Variants in AKR1E2 observed in about 807,000 individuals in gnomAD.
AKR1E2 encodes the protein aldo-keto reductase family 1 member E2, also known as 1,5-anhydro-D-fructose reductase.
In AKR1E2, 43 loss-of-function variants were observed where a neutral mutation model predicts 41.9. That is an observed-to-expected ratio of 1.03 (90% CI 0.80 to 1.32). The LOEUF (loss-of-function observed/expected upper bound fraction) is 1.32. Among genes scored for constraint, AKR1E2 ranks in the 40% most tolerant of loss-of-function variants. AKR1E2 has a pLI of 0.00. For synonymous variants in AKR1E2, 121 were observed against 138.9 expected, an observed-to-expected ratio of 0.87 and a Z score of 0.91; for missense variants, 423 against 396.5, an observed-to-expected ratio of 1.07 and a Z score of -0.57.
chr10:4,833,249 G>T lies in AKR1E2; in HGVS notation c.208-101G>T, dbSNP rs187787168. On this transcript the variant is annotated intron_variant, in intron 2 of 9. Transcript: ENST00000298375. ...GTTGTATTTGTGGTCATCTCATCTT[G>T]GCTATTTTGGGTTCAAGACAGTAGC... is the stretch of plus-strand genomic sequence containing the variant. 1,659 of 855,072 alleles carry T rather than the reference G, an allele frequency of 1.9e-3. 8 individuals are homozygous for T. The highest frequency in any genetic ancestry group is 8.3e-3 in the South Asian group (570 of 68,514). The allele number at this position is 855,072 out of a possible 1,614,324, so 53.0% of individuals were successfully genotyped here. A position where few individuals can be genotyped will look rare whatever the true frequency, so the allele number is the denominator to read the frequency against.
chr10:4,842,564 T>A, intron 8 of AKR1E2, 60 bp downstream of exon 8: 1 of 1,497,672 alleles, frequency 6.7e-7, no homozygotes, highest in South Asian at 1.1e-5. Flanking sequence ...TGGGAAGGGA[T>A]GACTGCTGTA....
At chr10:4,859,335 A>G in the AKR1E2 span, among the ~76,000 whole-genome samples, 5 of 152,202 alleles carry the variant, frequency 3.3e-5, no homozygotes, top group Non-Finnish European at 7.3e-5. Flanking sequence ...TGAAACGTTG[A>G]GTGTGATATG....
At chr10:4,846,161 AG>A in intron 8 of AKR1E2, 1 of 264,338 alleles carries the variant, frequency 3.8e-6, no homozygotes, top group South Asian at 4.0e-5. Context: ...TGACACGCTG[AG>A]GCTACTTTCT....
intron 6 of AKR1E2, among the ~76,000 whole-genome samples, chr10:4,841,481 A>C (rs1833868950): frequency 6.6e-6 from 1 of 151,956 alleles, no homozygotes; most frequent in Non-Finnish European, 1.5e-5. Context: ...GAGTCGGGGG[A>C]GTCAAAGCTT....
intron 5 of AKR1E2, among the ~76,000 whole-genome samples, chr10:4,838,924 A>T (rs1047666364): frequency 1.4e-4 from 22 of 152,332 alleles, no homozygotes; most frequent in African/African-American, 5.3e-4. Context: ...GGACACCAGG[A>T]ACACAGGATG....
chr10:4,838,035 T>A (rs1008565315), intron 5 of AKR1E2, among the ~76,000 whole-genome samples: 31 of 152,352 alleles, frequency 2.0e-4, no homozygotes, highest in Admixed American at 1.6e-3. Context: ...AAAAGACTTG[T>A]GGGGAAATAA....
Position 4,833,637 on chromosome 10 carries a change from C to A in AKR1E2, c.324+171C>A, listed in dbSNP as rs373277253. ...GGGCAGTCCTCTTGATATCTCTGGGCCTCAGTTAAGGAGAGGCTTGGCTTG... is the reference window on the plus strand; with the variant it reads ...GGGCAGTCCTCTTGATATCTCTGGGACTCAGTTAAGGAGAGGCTTGGCTTG... On this transcript the variant is annotated intron_variant, in intron 3 of 9. Coordinates refer to ENST00000298375, the MANE Select transcript of AKR1E2 (RefSeq NM_001040177.3). Among the ~76,000 whole-genome samples, 105 of 152,280 alleles carry A rather than the reference C, an allele frequency of 6.9e-4. 1 individual carries two copies. The South Asian group carries it at 0.021, about 31-fold the overall frequency.
intron 1 of AKR1E2, among the ~76,000 whole-genome samples, chr10:4,829,030 A>G (rs946204608): frequency 6.6e-6 from 1 of 152,120 alleles, no homozygotes; most frequent in Non-Finnish European, 1.5e-5. Flanking sequence ...CCACTCTTTA[A>G]GCTTAAAATT....
At chr10:4,831,879 T>C (rs186111607) in intron 2 of AKR1E2, among the ~76,000 whole-genome samples, 120 of 152,240 alleles carry the variant, frequency 7.9e-4, no homozygotes, top group Middle Eastern at 3.4e-3. Context: ...GTGTTGTATA[T>C]AGGATATTTT....
downstream of AKR1E2, among the ~76,000 whole-genome samples, chr10:4,850,339 G>A (rs1434151398): frequency 2.0e-5 from 3 of 152,172 alleles, no homozygotes; most frequent in Admixed American, 1.3e-4. Context: ...TGGCACTTTC[G>A]TATTTTATTT....
At chr10:4,871,604 T>C in the AKR1E2 span, among the ~76,000 whole-genome samples, 603 of 152,222 alleles carry the variant, frequency 4.0e-3, 2 homozygotes, top group African/African-American at 0.013. Context: ...GATGTCAGCA[T>C]TTTAGCCTCA....
intron 1 of AKR1E2, 126 bp downstream of exon 1, chr10:4,826,489 C>A (rs911648368): frequency 1.1e-6 from 1 of 883,142 alleles, no homozygotes; most frequent in Non-Finnish European, 1.5e-6. Flanking sequence ...GGCCGACGCC[C>A]GGGAAAGGCG....
chr10:4,871,593 G>T, the AKR1E2 span, among the ~76,000 whole-genome samples: 1 of 151,936 alleles, frequency 6.6e-6, no homozygotes, highest in Admixed American at 6.6e-5. Flanking sequence ...CCCCTTCCAG[G>T]GATGTCAGCA....
upstream of AKR1E2, chr10:4,824,973 C>T: frequency 2.2e-6 from 1 of 452,656 alleles, no homozygotes; most frequent in South Asian, 1.6e-5. Flanking sequence ...TGGTGAGCTC[C>T]TGAGGGCAAG....
At chr10:4,825,925 A>AG (rs917881026), upstream of AKR1E2, among the ~76,000 whole-genome samples, 23 of 151,730 alleles carry the variant, frequency 1.5e-4, no homozygotes, top group East Asian at 3.9e-4. Context: ...GTCACACCTA[A>AG]GGTGGGGGCG....
chr10:4,833,583 G>A, intron 3 of AKR1E2, 117 bp downstream of exon 3: 2 of 835,184 alleles, frequency 2.4e-6, no homozygotes, highest in Admixed American at 2.0e-5. Context: ...TTCCCAGGCT[G>A]CATCTGCCAC....
chr10:4,838,583 A>G (rs1204521651), intron 5 of AKR1E2, among the ~76,000 whole-genome samples: 2 of 152,198 alleles, frequency 1.3e-5, no homozygotes, highest in African/African-American at 2.4e-5. Context: ...AAAGGCATAC[A>G]TAGCTTGATG....
At chr10:4,861,525 C>T in the AKR1E2 span, among the ~76,000 whole-genome samples, 25,743 of 151,910 alleles carry the variant, frequency 0.17, 2,685 homozygotes, top group Middle Eastern at 0.33. Flanking sequence ...TGCACCACCG[C>T]GCCCAGCTAA....
At chr10:4,828,351 C>T (rs1832710081) in intron 1 of AKR1E2, among the ~76,000 whole-genome samples, 1 of 152,194 alleles carries the variant, frequency 6.6e-6, no homozygotes, top group South Asian at 2.1e-4. Flanking sequence ...GAGACCTCAG[C>T]CTGGGCTCTT....
Sources: allele counts gnomAD v4.1 joint callset (sites outside exome capture counted in the v4.1 genomes callset), GRCh38; gene constraint gnomAD v4.1.1; transcripts MANE v1.5; gene names NCBI Gene and HGNC (gene_info 2026-07-23, HGNC 2026-07-21).